TESC: variants seen among roughly 807,000 people sequenced by gnomAD.
TESC encodes tescalcin, also known as calcineurin B homologous protein 3.
TESC carries 19 observed loss-of-function variants against 31.0 expected under a neutral mutation model. That is an observed-to-expected ratio of 0.61 (90% CI 0.43 to 0.90). The LOEUF (loss-of-function observed/expected upper bound fraction) is 0.90. TESC is among the 40% of genes least tolerant of loss of function. The pLI is 0.00. For synonymous variants in TESC, 109 were observed against 114.8 expected (o/e 0.95, Z 0.32); for missense variants, 248 against 303.8 (o/e 0.82, Z 1.36).
At chr12:117,049,255 A>G in intron 3 of TESC, 97 bp from the exon 4 acceptor site, 1 of 1,542,814 alleles carries the variant, frequency 6.5e-7, no homozygotes, top group Admixed American at 1.7e-5. Context: ...CTCAGGGTGC[A>G]CACTGGACCC....
At chr12:117,056,961 G>A (rs1471468887) in intron 2 of TESC, 75 bp from the exon 3 acceptor site, 3 of 1,463,272 alleles carry the variant, frequency 2.1e-6, no homozygotes, top group Non-Finnish European at 2.9e-6. Context: ...TTTTCATCCT[G>A]TATCAAGCTG....
intron 2 of TESC, among the ~76,000 whole-genome samples, chr12:117,071,908 T>C (rs1954979127): frequency 6.6e-6 from 1 of 152,138 alleles, no homozygotes; most frequent in South Asian, 2.1e-4. Flanking sequence ...ACGGAGGCAC[T>C]TGTTAGAAAT....
chr12:117,075,895 A>ATGTGTATATATATATATATATGTGTG (rs1294018242), intron 1 of TESC, among the ~76,000 whole-genome samples: 3 of 83,054 alleles, frequency 3.6e-5, no homozygotes, highest in African/African-American at 7.1e-5. Flanking sequence ...ATATATATAT[A>ATGTGTATATATATATATATATGTGTG]TATATATATA....
chr12:117,078,518 A>G (rs1424025475), intron 1 of TESC, among the ~76,000 whole-genome samples: 1 of 152,002 alleles, frequency 6.6e-6, no homozygotes, highest in African/African-American at 2.4e-5. Flanking sequence ...TGTTTAGCCA[A>G]TTTTTGTTTA....
chr12:117,045,086 T>A (rs1376974381), intron 6 of TESC, among the ~76,000 whole-genome samples: 1 of 152,186 alleles, frequency 6.6e-6, no homozygotes, highest in Non-Finnish European at 1.5e-5. Context: ...TCAGGCCGCA[T>A]GCACAGCTCG....
chr12:117,064,821 G>A (rs967011759), intron 2 of TESC, among the ~76,000 whole-genome samples: 2 of 152,212 alleles, frequency 1.3e-5, no homozygotes, highest in Non-Finnish European at 2.9e-5. Context: ...CCAGCTGGTG[G>A]GGAGGGTGCT....
chr12:117,042,067 C>T, intron 6 of TESC, 73 bp from the exon 7 acceptor site: 1 of 1,456,582 alleles, frequency 6.9e-7, no homozygotes. Flanking sequence ...GGACGGTCCA[C>T]TGGCCTCCCC....
chr12:117,095,409 C>G (rs28384207), intron 1 of TESC, among the ~76,000 whole-genome samples: 30,637 of 152,100 alleles, frequency 0.2, 3,431 homozygotes, highest in African/African-American at 0.31. Flanking sequence ...GAAAGGCTCC[C>G]GTACGTAAAC....
chr12:117,073,988 T>C (rs1024588749), intron 2 of TESC, among the ~76,000 whole-genome samples: 6 of 150,018 alleles, frequency 4.0e-5, no homozygotes, highest in African/African-American at 1.5e-4. Flanking sequence ...CTTTGGGAGG[T>C]AGAAATGAGG....
At chr12:117,094,469 T>G (rs7313320) in intron 1 of TESC, among the ~76,000 whole-genome samples, 4,448 of 152,186 alleles carry the variant, frequency 0.029, 227 homozygotes, top group African/African-American at 0.099. Flanking sequence ...CCTCTTATGC[T>G]CTCACTGAAC....
chr12:117,060,616 C>T (rs915102032), intron 2 of TESC, among the ~76,000 whole-genome samples: 1 of 152,164 alleles, frequency 6.6e-6, no homozygotes. Flanking sequence ...GGAGCCACCT[C>T]GCTTCCCAGA....
At chr12:117,066,223 T>TTTTTTTTTTA in intron 2 of TESC, among the ~76,000 whole-genome samples, 1 of 145,972 alleles carries the variant, frequency 6.9e-6, no homozygotes, top group Non-Finnish European at 1.5e-5. Context: ...TTTTTTTTTT[T>TTTTTTTTTTA]TGGGGCAGGG....
intron 3 of TESC, among the ~76,000 whole-genome samples, chr12:117,050,681 C>T (rs1430304929): frequency 1.3e-5 from 2 of 152,194 alleles, no homozygotes; most frequent in Non-Finnish European, 2.9e-5. Flanking sequence ...GCCTGTAACC[C>T]CTGCACTTTG....
chr12:117,099,190 C>T (rs1955438465), intron 1 of TESC, 35 bp downstream of exon 1: 2 of 1,475,452 alleles, frequency 1.4e-6, no homozygotes, highest in Non-Finnish European at 1.8e-6. Flanking sequence ...GGAGGTCCCG[C>T]CCCGGTCCCC....
At chr12:117,046,957 GAGGGGTC>G (rs1954576314) in intron 4 of TESC, 119 bp from the exon 5 acceptor site, 1 of 1,095,978 alleles carries the variant, frequency 9.1e-7, no homozygotes, top group African/African-American at 1.6e-5. Context: ...GCCAAAGCCA[GAGGGGTC>G]AGGGCATGAG....
chr12:117,075,869 A>ATATG (rs1955049402), intron 1 of TESC, among the ~76,000 whole-genome samples: 27 of 31,448 alleles, frequency 8.6e-4, no homozygotes, highest in African/African-American at 2.2e-3. Flanking sequence ...ATATATATAT[A>ATATG]TGTGTGTATA....
At chr12:117,056,006 C>T (rs1306326773) in intron 3 of TESC, among the ~76,000 whole-genome samples, 3 of 151,386 alleles carry the variant, frequency 2.0e-5, no homozygotes, top group East Asian at 3.9e-4. Flanking sequence ...CTGCAACGTC[C>T]GCCTCCCGGG....
In TESC at chr12:117,099,392, G is replaced by C. The variant is rs996977433; in HGVS notation, c.-110C>G. On this transcript the variant is annotated 5_prime_UTR_variant, in exon 1 of 8. Transcript: ENST00000335209. ...GGTCCGGCCTCGGGTCGGGACGCCG[G>C]CGAAGGCTCGGAGCCGCGGGTTCCG... 4.4e-6 allele frequency: 5 copies of C among 1,125,978 alleles called. No homozygotes were observed. Among genetic ancestry groups the C allele is most frequent in the Non-Finnish European group, 5.7e-6 (5 of 877,346 alleles). The allele number at this position is 1,125,978 out of a possible 1,614,324, so 69.7% of individuals were successfully genotyped here. A position where few individuals can be genotyped will look rare whatever the true frequency, so the allele number is the denominator to read the frequency against.
chr12:117,049,163 G>A lies in TESC; in HGVS notation c.210-5C>T, dbSNP rs765274811. 1.9e-5 allele frequency: 31 copies of A among 1,614,040 alleles called. No individual in the cohort carries two copies. Among genetic ancestry groups the A allele is most frequent in the Middle Eastern group, 1.6e-4 (1 of 6,084 alleles). On this transcript the variant is annotated splice_region_variant and splice_polypyrimidine_tract_variant and intron_variant, in intron 3 of 7. Transcript: ENST00000335209. ...CTGGGTCCCTTGCGCAGGTTCCTAC[G>A]GGAGCAACAAGGAGGGTGTTGGAAA...
Sources: gnomAD v4.1 joint callset for allele counts (sites outside exome capture counted in the v4.1 genomes callset) on GRCh38, gnomAD v4.1.1 for gene constraint, MANE v1.5 for transcripts, NCBI Gene and HGNC (gene_info 2026-07-23, HGNC 2026-07-21) for gene names.